The following CELF5 variants were observed in gnomAD, a reference collection of about 807,000 sequenced individuals.
CELF5 encodes the protein CUG-BP and ETR-3 like factor 5.
Under a neutral mutation model 54.9 loss-of-function variants are expected in CELF5, and 6 were observed. The ratio of observed to expected loss-of-function variants is 0.11; its 90% confidence interval spans 0.06 to 0.22. The LOEUF is 0.22. Ranked by LOEUF, CELF5 falls within the 10% of genes least tolerant of loss-of-function variation. The probability of loss-of-function intolerance (pLI) is 1.00; values close to 1 mark genes in which losing one functional copy is unlikely to be tolerated. For synonymous variants in CELF5, 271 were observed against 290.9 expected (o/e 0.93, Z 0.70); for missense variants, 401 against 678.6 (o/e 0.59, Z 4.54).
At chr19:3,291,640 G>A (rs2080350234) in intron 11 of CELF5, among the ~76,000 whole-genome samples, 1 of 151,604 alleles carries the variant, frequency 6.6e-6, no homozygotes, top group Non-Finnish European at 1.5e-5. Flanking sequence ...TGGGGGAAGA[G>A]TGTCCCAGGC....
chr19:3,255,782 G>C (rs2079716127), intron 2 of CELF5, among the ~76,000 whole-genome samples: 1 of 152,050 alleles, frequency 6.6e-6, no homozygotes, highest in Non-Finnish European at 1.5e-5. Flanking sequence ...ACGTGAAGGT[G>C]GGTCAGGCGC....
chr19:3,290,452 C>T (rs1039832417), intron 11 of CELF5, 78 bp downstream of exon 11: 29 of 1,530,492 alleles, frequency 1.9e-5, no homozygotes, highest in African/African-American at 6.8e-5. Flanking sequence ...GGGTTTTGGT[C>T]GGCCTCGGGA....
intron 2 of CELF5, among the ~76,000 whole-genome samples, chr19:3,252,782 C>A (rs746183865): frequency 1.1e-4 from 16 of 152,050 alleles, no homozygotes; most frequent in Admixed American, 3.3e-4. Context: ...GCAGCCACAT[C>A]TGTGGGCTCG....
chr19:3,251,666 TTTTTTTTTGTTG>T, intron 2 of CELF5, among the ~76,000 whole-genome samples: 1 of 135,672 alleles, frequency 7.4e-6, no homozygotes, highest in South Asian at 2.8e-4. Context: ...TTTTTTTTTT[TTTTTTTTTGTTG>T]TTGTTGTTGT....
At chr19:3,231,280 G>C (rs1442135590) in intron 1 of CELF5, among the ~76,000 whole-genome samples, 1 of 152,224 alleles carries the variant, frequency 6.6e-6, no homozygotes, top group Non-Finnish European at 1.5e-5. Flanking sequence ...ATTGGAGAAT[G>C]GATGGGCTGG....
intron 12 of CELF5, chr19:3,295,249 C>T (rs899442013): frequency 6.9e-6 from 1 of 144,652 alleles, no homozygotes; most frequent in Admixed American, 6.9e-5. Flanking sequence ...GCTCCTGAAT[C>T]GTGGGCAGAA....
chr19:3,247,252 G>A (rs1247290418), intron 1 of CELF5, among the ~76,000 whole-genome samples: 2 of 151,314 alleles, frequency 1.3e-5, no homozygotes, highest in Non-Finnish European at 3.0e-5. Flanking sequence ...TTGGCCTCCC[G>A]AGTAGCTGGG....
intron 2 of CELF5, among the ~76,000 whole-genome samples, chr19:3,256,594 A>T (rs183896216): frequency 6.6e-6 from 1 of 150,922 alleles, no homozygotes; most frequent in East Asian, 1.9e-4. Context: ...TTTGAGACGG[A>T]GCCTAACTCT....
chr19:3,238,451 G>A (rs544861547), intron 1 of CELF5, among the ~76,000 whole-genome samples: 1 of 152,294 alleles, frequency 6.6e-6, no homozygotes, highest in East Asian at 1.9e-4. Context: ...GCTTGGAACA[G>A]CCTCTCCCAG....
rs558834106 is a variant in CELF5, at chr19:3,278,691, G to T, written c.603+581G>T. ...TTTGTGGGCAGGTTTGTGTGTGTGTGTGTGTGTGTTTGTGTGTGTGCATGA... is the reference window on the plus strand; with the variant it reads ...TTTGTGGGCAGGTTTGTGTGTGTGTTTGTGTGTGTTTGTGTGTGTGCATGA... On this transcript the variant is annotated intron_variant, in intron 5 of 12. Transcript: ENST00000292672. The surrounding 1 kb of genome is among the most constrained non-coding windows in gnomAD (Gnocchi z 4.5). 1.3e-5 allele frequency among the ~76,000 whole-genome samples: 2 copies of T among 151,826 alleles called. No individual in the cohort carries two copies. The highest frequency in any genetic ancestry group is 1.3e-4 in the Admixed American group (2 of 15,202).
Position 3,293,348 on chromosome 19 carries a change from G to A in CELF5, c.1360G>A (p.Ala454Thr). 1.2e-6 allele frequency: 2 copies of A among 1,614,112 alleles called. No individual in the cohort carries two copies. The highest frequency in any genetic ancestry group is 1.7e-6 in the Non-Finnish European group (2 of 1,179,988). The change falls in exon 12 of 13, where the codon GCC (alanine) becomes ACC (threonine). Residue 454 changes from alanine (A) to threonine (T), a missense_variant. This residue lies in a region of CELF5 where 59 missense variants were observed against 128.8 expected (regional missense o/e 0.46). Transcript: ENST00000292672. ...GFVSFDNPASAQAAIQAMNGF... is the reference protein window; with the variant it reads ...GFVSFDNPASTQAAIQAMNGF... ...CGTGAGCTTTGATAACCCGGCCAGC[G>A]CCCAGGCAGCCATCCAGGCCATGAA...
At position 3,275,670 on chromosome 19, in the gene CELF5, GGA is replaced by G. The variant is rs139112929; in HGVS notation, c.395-181_395-180del. On this transcript the variant is annotated intron_variant, in intron 3 of 12. Transcript: ENST00000292672. This position sits in a 1 kb window ranked among gnomAD's most constrained non-coding sequence, Gnocchi z 6.7. ...GAGCGTGCAGGGCCCGTGGGAGGGTGGAGAGATCCGGGGCAGGGAAAGGGCGC... is the reference window on the plus strand; with the variant it reads ...GAGCGTGCAGGGCCCGTGGGAGGGTGGAGATCCGGGGCAGGGAAAGGGCGC... Among the ~76,000 whole-genome samples the G allele has an allele frequency of 0.066, 10,010 of 152,226 alleles. 339 individuals are homozygous for G. Among genetic ancestry groups the G allele is most frequent in the Admixed American group, 0.099 (1,508 of 15,304 alleles).
At chr19:3,286,122 C>A in intron 10 of CELF5, 97 bp downstream of exon 10, 1 of 1,123,164 alleles carries the variant, frequency 8.9e-7, no homozygotes, top group Non-Finnish European at 1.2e-6. Context: ...CTGGGACCCG[C>A]GGGGCTGAGA....
chr19:3,224,795 C>A lies in CELF5; in HGVS notation c.56C>A (p.Pro19Gln). The change falls in exon 1 of 13, where the codon CCG becomes CAG. Residue 19 changes from proline (P) to glutamine (Q), a missense_variant. Physicochemically the swap from Pro to Gln is moderately conservative, Grantham distance 76 (BLOSUM62 -1). Coordinates refer to ENST00000292672, the MANE Select transcript of CELF5 (RefSeq NM_021938.4). Reference protein sequence around the residue: ...ARRQQQQLLQPRPSPVGSSGP... With the variant: ...ARRQQQQLLQQRPSPVGSSGP... ...CGGCAGCAGCAGCAGCTCCTGCAGCCGCGGCCCTCGCCCGTGGGCAGCAGC... is the reference window on the plus strand; with the variant it reads ...CGGCAGCAGCAGCAGCTCCTGCAGCAGCGGCCCTCGCCCGTGGGCAGCAGC... 2 of 1,504,520 alleles carry A rather than the reference C, an allele frequency of 1.3e-6. No homozygotes were observed. Among genetic ancestry groups the A allele is most frequent in the Non-Finnish European group, 1.8e-6 (2 of 1,127,300 alleles). The allele number at this position is 1,504,520 out of a possible 1,614,324, so 93.2% of individuals were successfully genotyped here.
chr19:3,271,629 G>T (rs2079966042), intron 2 of CELF5, among the ~76,000 whole-genome samples: 1 of 152,116 alleles, frequency 6.6e-6, no homozygotes, highest in Non-Finnish European at 1.5e-5. Flanking sequence ...GTCAGAATGG[G>T]AGAGGGTCTT....
chr19:3,292,307 T>G (rs2080364433), intron 11 of CELF5, among the ~76,000 whole-genome samples: 1 of 151,488 alleles, frequency 6.6e-6, no homozygotes, highest in Admixed American at 6.6e-5. Context: ...GACTTTGTTT[T>G]TTTTTTTTTT....
At position 3,275,974 on chromosome 19, in the gene CELF5, C is replaced by T. The variant is rs372907099; in HGVS notation, c.513C>T (p.Gly171=). ...GCACCGTGCTCCGGGGGCCTGACGG[C>T]AGCAGCAAAGGTGACTGGCGGGGGC... The part of the protein sequence containing the change: ...DECTVLRGPD[G]SSKGCAFVKF... The change falls in exon 4 of 13, where the codon GGC becomes GGT. Residue 171 remains glycine, a synonymous_variant. Transcript: ENST00000292672. The surrounding 1 kb of genome is among the most constrained non-coding windows in gnomAD (Gnocchi z 6.7). The T allele has an allele frequency of 6.2e-7, 1 of 1,602,684 alleles. No homozygotes were observed. Among genetic ancestry groups the T allele is most frequent in the South Asian group, 1.1e-5 (1 of 90,714 alleles).
rs769578603 is a variant in CELF5 at position 3,293,491 on chromosome 19, G to A, written c.*40+5G>A. Reference sequence around the variant, plus strand: ...GAGGCTGTAGGCATGGCCCAGGTGAGCCGCCAGGCGGCCCCACCCCCGCCC... The same window carrying A: ...GAGGCTGTAGGCATGGCCCAGGTGAACCGCCAGGCGGCCCCACCCCCGCCC... On this transcript the variant is annotated splice_donor_5th_base_variant and intron_variant, in intron 12 of 12. Transcript: ENST00000292672. 1 of 1,599,356 alleles carries A rather than the reference G, an allele frequency of 6.3e-7. No homozygotes were observed. The highest frequency in any genetic ancestry group is 8.5e-7 in the Non-Finnish European group (1 of 1,171,514).
At chr19:3,235,680 G>GGATGGATGGA (rs1917543101) in intron 1 of CELF5, among the ~76,000 whole-genome samples, 2 of 128,694 alleles carry the variant, frequency 1.6e-5, no homozygotes, top group Non-Finnish European at 3.4e-5. Context: ...ATGGATGGAT[G>GGATGGATGGA]TGTGGATGGG....
Sources: gnomAD v4.1 joint callset for allele counts (sites outside exome capture counted in the v4.1 genomes callset) on GRCh38, gnomAD v4.1.1 for gene constraint, gnomAD v4.1.1 regional missense constraint, Gnocchi (gnomAD v3.1) non-coding constraint, MANE v1.5 for transcripts, NCBI Gene and HGNC (gene_info 2026-07-23, HGNC 2026-07-21) for gene names.